Variants in ZBTB20 observed in about 807,000 individuals in gnomAD.
The protein encoded by ZBTB20 is zinc finger and BTB domain-containing protein 20.
ZBTB20 carries 9 observed loss-of-function variants against 56.9 expected under a neutral mutation model. That is an observed-to-expected ratio of 0.16 (90% CI 0.10 to 0.28). The LOEUF (loss-of-function observed/expected upper bound fraction) is 0.28, where lower values mean the gene tolerates loss of function less well. Ranked by LOEUF, ZBTB20 falls within the 10% of genes least tolerant of loss-of-function variation. ZBTB20 has a pLI of 1.00. For missense variants in ZBTB20, 655 were observed against 1,003.0 expected (o/e 0.65, Z 4.69); for synonymous variants, 417 against 420.7 (o/e 0.99, Z 0.11).
At chr3:114,751,141 C>A (rs2067528721) in intron 5 of ZBTB20, among the ~76,000 whole-genome samples, 2 of 152,032 alleles carry the variant, frequency 1.3e-5, no homozygotes, top group Admixed American at 1.3e-4. Flanking sequence ...TCAATACATA[C>A]AAATCATATG....
intron 4 of ZBTB20, among the ~76,000 whole-genome samples, chr3:114,840,013 T>C (rs902570519): frequency 5.3e-5 from 8 of 152,142 alleles, no homozygotes; most frequent in African/African-American, 1.9e-4. Context: ...GCAACCCTAG[T>C]AAATTAATAC....
chr3:114,968,798 G>C (rs2108017811), intron 3 of ZBTB20, among the ~76,000 whole-genome samples: 1 of 152,194 alleles, frequency 6.6e-6, no homozygotes, highest in African/African-American at 2.4e-5. Flanking sequence ...AAATGTCTAT[G>C]GAGATCTTCT....
intron 7 of ZBTB20, chr3:114,445,672 C>G (rs1306886646): frequency 6.6e-6 from 1 of 152,074 alleles, no homozygotes; most frequent in African/African-American, 2.4e-5. Flanking sequence ...TTTATTAGAG[C>G]AAAATCTTAA....
intron 4 of ZBTB20, among the ~76,000 whole-genome samples, chr3:114,835,065 T>G (rs1044735921): frequency 1.3e-5 from 2 of 152,124 alleles, no homozygotes; most frequent in African/African-American, 2.4e-5. Context: ...ACTTTGTATT[T>G]AAGGACACCA....
chr3:114,449,433 G>C (rs550423199), intron 7 of ZBTB20, among the ~76,000 whole-genome samples: 92 of 152,234 alleles, frequency 6.0e-4, no homozygotes, highest in Non-Finnish European at 7.9e-4. Flanking sequence ...GCCTGAGAGG[G>C]TCATCGCAGA....
chr3:114,347,647 T>C (rs2080306983), intron 11 of ZBTB20, among the ~76,000 whole-genome samples: 1 of 152,214 alleles, frequency 6.6e-6, no homozygotes, highest in African/African-American at 2.4e-5. Flanking sequence ...CTTTTTGAAA[T>C]CTAGACCAAT....
intron 5 of ZBTB20, among the ~76,000 whole-genome samples, chr3:114,746,297 T>C (rs1020611274): frequency 6.6e-6 from 1 of 152,204 alleles, no homozygotes; most frequent in Admixed American, 6.5e-5. Context: ...TTTGGGTATA[T>C]ACTCAACATG....
chr3:114,986,199 C>A (rs1253161439), intron 2 of ZBTB20, among the ~76,000 whole-genome samples: 4 of 152,044 alleles, frequency 2.6e-5, no homozygotes, highest in Non-Finnish European at 4.4e-5. Context: ...GAAAACTGAA[C>A]CCCTCAGGTC....
intron 7 of ZBTB20, among the ~76,000 whole-genome samples, chr3:114,470,560 T>C (rs192493070): frequency 1.8e-3 from 280 of 152,302 alleles, no homozygotes; most frequent in Non-Finnish European, 2.1e-3. Flanking sequence ...TTATGCATTA[T>C]TTCTAATCTT....
intron 6 of ZBTB20, among the ~76,000 whole-genome samples, chr3:114,600,245 C>A (rs1392655729): frequency 6.6e-6 from 1 of 151,880 alleles, no homozygotes; most frequent in African/African-American, 2.4e-5. Context: ...AGAAGGATTC[C>A]CAACAGATTG....
intron 10 of ZBTB20, among the ~76,000 whole-genome samples, chr3:114,372,303 T>C (rs1055354921): frequency 1.3e-5 from 2 of 152,212 alleles, no homozygotes; most frequent in Admixed American, 6.5e-5. Flanking sequence ...AAAATCAGCA[T>C]TGGGCCCTAA....
chr3:114,676,730 T>A (rs912061913), intron 6 of ZBTB20, among the ~76,000 whole-genome samples: 2 of 150,876 alleles, frequency 1.3e-5, no homozygotes, highest in African/African-American at 4.8e-5. Context: ...AAGTGCATTA[T>A]GGCATTATCT....
chr3:114,353,156 T>C (rs919461206), intron 10 of ZBTB20, among the ~76,000 whole-genome samples: 27 of 152,208 alleles, frequency 1.8e-4, no homozygotes, highest in Non-Finnish European at 2.9e-5. Context: ...CCTTTACAAC[T>C]GAACAATCAG....
At chr3:114,594,349 C>A (rs1466998466) in intron 6 of ZBTB20, among the ~76,000 whole-genome samples, 1 of 150,870 alleles carries the variant, frequency 6.6e-6, no homozygotes, top group Non-Finnish European at 1.5e-5. Context: ...TCACTGCAAC[C>A]TCCGCCGCCC....
chr3:115,099,408 C>T (rs564254442), intron 1 of ZBTB20, among the ~76,000 whole-genome samples: 2 of 152,164 alleles, frequency 1.3e-5, no homozygotes, highest in East Asian at 3.9e-4. Context: ...TAAGAAAGTT[C>T]GCATTCTTAC....
chr3:115,068,530 G>A (rs975459254), intron 2 of ZBTB20, among the ~76,000 whole-genome samples: 4 of 152,014 alleles, frequency 2.6e-5, no homozygotes, highest in Non-Finnish European at 5.9e-5. Context: ...GAAGAAACTT[G>A]AATAATATTC....
At chr3:115,146,078 T>C (rs1214834219) in intron 1 of ZBTB20, among the ~76,000 whole-genome samples, 1 of 152,198 alleles carries the variant, frequency 6.6e-6, no homozygotes, top group African/African-American at 2.4e-5. Flanking sequence ...GTTTGGCCAA[T>C]GCTGATTCTG....
At chr3:114,765,180 C>A (rs2068703616) in intron 5 of ZBTB20, among the ~76,000 whole-genome samples, 1 of 152,094 alleles carries the variant, frequency 6.6e-6, no homozygotes. Context: ...TAAAGCTCTG[C>A]ACAAAAAATA....
At chr3:114,748,016 C>G (rs993349943) in intron 5 of ZBTB20, among the ~76,000 whole-genome samples, 2 of 148,850 alleles carry the variant, frequency 1.3e-5, no homozygotes, top group African/African-American at 2.5e-5. Context: ...ATTGAATTTT[C>G]AAAAAGTGAG....
Sources: gnomAD v4.1 joint callset for allele counts (sites outside exome capture counted in the v4.1 genomes callset) on GRCh38, gnomAD v4.1.1 for gene constraint, MANE v1.5 for transcripts, NCBI Gene and HGNC (gene_info 2026-07-23, HGNC 2026-07-21) for gene names.